CRADD: variants seen among roughly 807,000 people sequenced by gnomAD.
CRADD encodes the protein CARD and death domain containing adaptor protein, also known as death domain-containing protein CRADD.
CRADD carries 9 observed loss-of-function variants against 15.5 expected under a neutral mutation model. The observed-to-expected ratio is 0.58, with a 90% CI of 0.35 to 1.01. The LOEUF is 1.01. Ranked by LOEUF, CRADD falls within the 50% of genes least tolerant of loss-of-function variation. The pLI is 0.02. For missense variants in CRADD, 227 were observed against 250.3 expected (o/e 0.91, Z 0.63); for synonymous variants, 118 against 107.6 (o/e 1.10, Z -0.60).
At chr12:93,795,092 A>G (rs1432748211) in intron 2 of CRADD, among the ~76,000 whole-genome samples, 1 of 151,954 alleles carries the variant, frequency 6.6e-6, no homozygotes, top group Non-Finnish European at 1.5e-5. Context: ...TTTATGTATT[A>G]TTTTTTTGCC....
intron 2 of CRADD, among the ~76,000 whole-genome samples, chr12:93,879,930 G>A (rs945642251): frequency 6.6e-6 from 1 of 152,166 alleles, no homozygotes; most frequent in Admixed American, 6.5e-5. Flanking sequence ...GAGAAAATTA[G>A]CATATTCAGA....
intron 2 of CRADD, among the ~76,000 whole-genome samples, chr12:93,709,807 G>A (rs945787068): frequency 1.3e-5 from 2 of 152,204 alleles, no homozygotes; most frequent in East Asian, 1.9e-4. Flanking sequence ...TCGAATGGTA[G>A]TTCTGCTTTT....
chr12:93,738,153 T>C (rs1419814851), intron 2 of CRADD: 3 of 599,150 alleles, frequency 5.0e-6, no homozygotes, highest in Non-Finnish European at 8.9e-6. Context: ...GTTTCTTAGC[T>C]GTTTTGTCAG....
intron 2 of CRADD, among the ~76,000 whole-genome samples, chr12:93,710,323 C>G (rs1031498468): frequency 4.7e-5 from 7 of 149,210 alleles, no homozygotes; most frequent in African/African-American, 7.4e-5. Flanking sequence ...AATAAGGAAG[C>G]TTTTACTTCA....
intron 2 of CRADD, among the ~76,000 whole-genome samples, chr12:93,799,439 G>GTC (rs1957454531): frequency 6.6e-6 from 1 of 152,178 alleles, no homozygotes; most frequent in Non-Finnish European, 1.5e-5. Context: ...TCTGCATAGG[G>GTC]AGTACCCTCT....
chr12:93,887,093 G>A (rs1173550681), intron 2 of CRADD, among the ~76,000 whole-genome samples: 1 of 152,192 alleles, frequency 6.6e-6, no homozygotes, highest in Non-Finnish European at 1.5e-5. Flanking sequence ...TGTAACACAG[G>A]GAGGGTTCAG....
intron 2 of CRADD, among the ~76,000 whole-genome samples, chr12:93,760,139 A>T (rs533802750): frequency 1.3e-5 from 2 of 152,286 alleles, no homozygotes; most frequent in South Asian, 2.1e-4. Context: ...GAAGAAAGTA[A>T]AGAGGATAGA....
intron 2 of CRADD, chr12:93,708,733 C>G (rs61928990): frequency 6.6e-6 from 1 of 152,212 alleles, no homozygotes; most frequent in Non-Finnish European, 1.5e-5. Context: ...TGGTGCCCAA[C>G]AAAATATGGT....
chr12:93,749,103 T>C lies in CRADD; in HGVS notation c.298+70031T>C, dbSNP rs114742414. Among the ~76,000 whole-genome samples, 454 of 152,264 alleles carry C rather than the reference T, an allele frequency of 3.0e-3. 1 individual carries two copies. Among genetic ancestry groups the C allele is most frequent in the African/African-American group, 9.4e-3 (389 of 41,540 alleles). On this transcript the variant is annotated intron_variant, in intron 2 of 2. Transcript: ENST00000332896. ...GACCTAGACAAGATCCCTGCTGTCA[T>C]GGAAACAAATGAGGGAACTATGTTG...
At chr12:93,820,470 A>G (rs1349718435) in intron 2 of CRADD, among the ~76,000 whole-genome samples, 1 of 151,728 alleles carries the variant, frequency 6.6e-6, no homozygotes, top group Admixed American at 6.6e-5. Flanking sequence ...AATGGCGTGA[A>G]CTCAGAAGGC....
chr12:93,738,065 A>G (rs959719732), intron 2 of CRADD: 4 of 469,058 alleles, frequency 8.5e-6, no homozygotes, highest in African/African-American at 4.0e-5. Context: ...GTCCCTTTCT[A>G]TTCGTTTTTA....
chr12:93,798,481 A>G (rs1592999582), intron 2 of CRADD, among the ~76,000 whole-genome samples: 1 of 152,152 alleles, frequency 6.6e-6, no homozygotes, highest in African/African-American at 2.4e-5. Flanking sequence ...ACCCTATGAG[A>G]TAGCAATTAT....
intron 2 of CRADD, among the ~76,000 whole-genome samples, chr12:93,809,860 G>T (rs532559951): frequency 2.0e-5 from 3 of 152,088 alleles, no homozygotes; most frequent in Non-Finnish European, 4.4e-5. Context: ...GCCTCTTTTT[G>T]TATTCAACAG....
At chr12:93,856,011 C>T (rs7296761) in intron 2 of CRADD, among the ~76,000 whole-genome samples, 64,712 of 151,722 alleles carry the variant, frequency 0.43, 14,000 homozygotes, top group Middle Eastern at 0.54. Flanking sequence ...TTTCGCCATA[C>T]TGGCCAGGAT....
intron 2 of CRADD, among the ~76,000 whole-genome samples, chr12:93,813,533 G>A (rs1295432960): frequency 6.6e-6 from 1 of 152,138 alleles, no homozygotes; most frequent in Non-Finnish European, 1.5e-5. Context: ...CATTATATGT[G>A]TCAGTTGGAG....
At chr12:93,817,335 C>T (rs532145933) in intron 2 of CRADD, among the ~76,000 whole-genome samples, 37 of 152,122 alleles carry the variant, frequency 2.4e-4, no homozygotes, top group Non-Finnish European at 4.4e-4. Flanking sequence ...GTTGTGGAGT[C>T]GGGTTCGGGA....
intron 2 of CRADD, among the ~76,000 whole-genome samples, chr12:93,728,831 A>G (rs1473535101): frequency 6.6e-6 from 1 of 152,190 alleles, no homozygotes; most frequent in Non-Finnish European, 1.5e-5. Context: ...TTATCCTGGA[A>G]ATACAAGGGT....
intron 2 of CRADD, among the ~76,000 whole-genome samples, chr12:93,880,724 T>A (rs1262114716): frequency 6.6e-6 from 1 of 152,216 alleles, no homozygotes; most frequent in African/African-American, 2.4e-5. Flanking sequence ...TGGAGATCAG[T>A]CAGATAGGTG....
At chr12:93,688,733 A>G (rs1955495684) in intron 2 of CRADD, among the ~76,000 whole-genome samples, 2 of 152,180 alleles carry the variant, frequency 1.3e-5, no homozygotes, top group African/African-American at 4.8e-5. Context: ...AACTTACTTA[A>G]AGTCACACAA....
Sources: allele counts gnomAD v4.1 joint callset (sites outside exome capture counted in the v4.1 genomes callset), GRCh38; gene constraint gnomAD v4.1.1; transcripts MANE v1.5; gene names NCBI Gene and HGNC (gene_info 2026-07-23, HGNC 2026-07-21).